The following NRCAM variants were observed in gnomAD, a reference collection of about 807,000 sequenced individuals.
The protein encoded by NRCAM is NgCAM-related cell adhesion molecule.
In NRCAM, 83 loss-of-function variants were observed where a neutral mutation model predicts 156.5. The ratio of observed to expected loss-of-function variants is 0.53; its 90% CI spans 0.44 to 0.64. The LOEUF (loss-of-function observed/expected upper bound fraction) is 0.64. Ranked by LOEUF, NRCAM falls within the 30% of genes least tolerant of loss-of-function variation. The probability of loss-of-function intolerance (pLI) is 0.00; values close to 1 mark genes in which losing one functional copy is unlikely to be tolerated. For missense variants in NRCAM, 1,417 were observed against 1,597.3 expected, an observed-to-expected ratio of 0.89 and a Z score of 1.92; for synonymous variants, 538 against 563.9, an observed-to-expected ratio of 0.95 and a Z score of 0.65.
At position 108,275,395 on chromosome 7, in the gene NRCAM, A is replaced by G. The variant is rs145296086; in HGVS notation, c.-106-35225T>C. Reference sequence around the variant, plus strand: ...GACTTTTTTGATTGGTAGGCTATTAATTATTGCCTCAATTTCAGACCTGTT... The same window carrying G: ...GACTTTTTTGATTGGTAGGCTATTAGTTATTGCCTCAATTTCAGACCTGTT... On this transcript the variant is annotated intron_variant, in intron 3 of 32. Coordinates refer to ENST00000379028, the MANE Select transcript of NRCAM (RefSeq NM_001037132.4). Among the ~76,000 whole-genome samples, 177 of 152,208 alleles carry G rather than the reference A, an allele frequency of 1.2e-3. 1 individual carries two copies. Among genetic ancestry groups the G allele is most frequent in the African/African-American group, 4.1e-3 (170 of 41,524 alleles).
intron 8 of NRCAM, among the ~76,000 whole-genome samples, chr7:108,228,967 A>T (rs1184520287): frequency 2.6e-5 from 4 of 151,882 alleles, no homozygotes; most frequent in South Asian, 2.1e-4. Context: ...AAAGTAAAAT[A>T]AAAAAAAATT....
At chr7:108,310,564 C>A (rs1396640190) in intron 3 of NRCAM, among the ~76,000 whole-genome samples, 1 of 152,080 alleles carries the variant, frequency 6.6e-6, no homozygotes, top group Non-Finnish European at 1.5e-5. Flanking sequence ...TCACAGCATG[C>A]CAGTGAATGT....
intron 1 of NRCAM, among the ~76,000 whole-genome samples, chr7:108,412,522 T>C (rs777533213): frequency 2.0e-5 from 3 of 152,232 alleles, no homozygotes; most frequent in South Asian, 2.1e-4. Flanking sequence ...AATAAATATA[T>C]GCATTACCTC....
At position 108,175,477 on chromosome 7, in the gene NRCAM, T is replaced by C. The variant is rs145730681; in HGVS notation, c.3152-120A>G. ...TAAAGCATGCAAGAAGAATGAAGTG[T>C]ACCACATCAGGTATAGGGGACAAAG... On this transcript the variant is annotated intron_variant, in intron 27 of 32. Transcript: ENST00000379028. 2.5e-5 allele frequency: 22 copies of C among 871,804 alleles called. No individual in the cohort carries two copies. The Admixed American group carries it at 4.7e-4, about 18-fold the overall frequency. 54.0% of individuals were successfully genotyped at this position (871,804 alleles called of 1,614,324 possible). A position where few individuals can be genotyped will look rare whatever the true frequency, so the allele number is the denominator to read the frequency against.
chr7:108,184,501 A>G lies in NRCAM; in HGVS notation c.2149T>C (p.Tyr717His). The G allele has an allele frequency of 6.2e-7, 1 of 1,614,182 alleles. No homozygotes were observed. Among genetic ancestry groups the G allele is most frequent in the South Asian group, 1.1e-5 (1 of 91,078 alleles). Reference protein sequence around the residue: ...AQLKLSPYVNYSFRVMAVNSI... With the variant: ...AQLKLSPYVNHSFRVMAVNSI... ...TTCACTGCCATCACGCGGAAGGAGT[A>G]GTTCACGTAAGGAGACAGCTTCAGC... The change falls in exon 21 of 33, where the codon TAC (tyrosine) becomes CAC (histidine). Residue 717 changes from tyrosine to histidine, a missense_variant. Transcript: ENST00000379028.
chr7:108,230,493 A>G (rs1481526183), intron 8 of NRCAM, among the ~76,000 whole-genome samples: 1 of 152,134 alleles, frequency 6.6e-6, no homozygotes, highest in Non-Finnish European at 1.5e-5. Context: ...TCCAAGCTAA[A>G]GCCAAAGTCC....
chr7:108,389,088 C>A (rs1371642571), intron 2 of NRCAM, among the ~76,000 whole-genome samples: 1 of 152,110 alleles, frequency 6.6e-6, no homozygotes, highest in Admixed American at 6.6e-5. Flanking sequence ...TTTTCCAATT[C>A]TGTGAAGAAA....
At chr7:108,306,318 CCT>C (rs2098714171) in intron 3 of NRCAM, among the ~76,000 whole-genome samples, 1 of 151,956 alleles carries the variant, frequency 6.6e-6, no homozygotes, top group Non-Finnish European at 1.5e-5. Context: ...ATAAAAATTC[CCT>C]CTTATTCAAG....
chr7:108,180,910 GCTA>G (rs1174166926), intron 24 of NRCAM, among the ~76,000 whole-genome samples: 1 of 152,166 alleles, frequency 6.6e-6, no homozygotes, highest in Non-Finnish European at 1.5e-5. Flanking sequence ...GAACGTGTGG[GCTA>G]CTAAGTGACT....
intron 3 of NRCAM, among the ~76,000 whole-genome samples, chr7:108,246,821 C>A (rs770068472): frequency 1.4e-4 from 21 of 152,170 alleles, no homozygotes; most frequent in Admixed American, 3.3e-4. Context: ...TAGACTGTTG[C>A]ATTGGTGGCC....
chr7:108,270,347 C>T lies in NRCAM; in HGVS notation c.-106-30177G>A, dbSNP rs565886032. Among the ~76,000 whole-genome samples, 166 of 152,276 alleles carry T rather than the reference C, an allele frequency of 1.1e-3. 2 individuals are homozygous for T. The highest frequency in any genetic ancestry group is 3.4e-3 in the Middle Eastern group (1 of 292). The stretch of plus-strand genomic sequence containing the variant: ...CAGTGAGAGAAAAGACCAAGCACCC[C>T]CCTTCAAGGTTCCCTTCTTGTGGAG... On this transcript the variant is annotated intron_variant, in intron 3 of 32. Coordinates refer to ENST00000379028, the MANE Select transcript of NRCAM (RefSeq NM_001037132.4).
intron 2 of NRCAM, among the ~76,000 whole-genome samples, chr7:108,342,700 CTGAG>C (rs2099304261): frequency 6.6e-6 from 1 of 152,200 alleles, no homozygotes; most frequent in African/African-American, 2.4e-5. Flanking sequence ...CATGGCATAC[CTGAG>C]TAAGGAAACT....
intron 2 of NRCAM, among the ~76,000 whole-genome samples, chr7:108,339,021 T>C (rs2099243389): frequency 6.6e-6 from 1 of 152,246 alleles, no homozygotes; most frequent in African/African-American, 2.4e-5. Context: ...CAGTTCAGAA[T>C]TATTCTAAGT....
intron 11 of NRCAM, among the ~76,000 whole-genome samples, chr7:108,212,587 T>C (rs901493756): frequency 3.3e-5 from 5 of 152,036 alleles, no homozygotes; most frequent in African/African-American, 4.8e-5. Flanking sequence ...GACACACTTA[T>C]AGAAATGCAA....
chr7:108,174,544 C>T (rs1043665347), intron 28 of NRCAM, among the ~76,000 whole-genome samples: 1 of 152,232 alleles, frequency 6.6e-6, no homozygotes, highest in African/African-American at 2.4e-5. Context: ...AGCCAGGGGT[C>T]AAAGACTGGG....
rs2093568585 is a variant in NRCAM, at chr7:108,226,940, T to C, written c.551-562A>G. Reference sequence around the variant, plus strand: ...CAGCAAATGGCCAGCTGACAGTAACTGGGTGTGATGATGACACTATTTATT... The same window carrying C: ...CAGCAAATGGCCAGCTGACAGTAACCGGGTGTGATGATGACACTATTTATT... On this transcript the variant is annotated intron_variant, in intron 8 of 32. Coordinates refer to ENST00000379028, the MANE Select transcript of NRCAM (RefSeq NM_001037132.4). 1.3e-5 allele frequency among the ~76,000 whole-genome samples: 2 copies of C among 152,180 alleles called. 1 individual carries two copies. The highest frequency in any genetic ancestry group is 4.1e-4 in the South Asian group (2 of 4,826).
intron 1 of NRCAM, among the ~76,000 whole-genome samples, chr7:108,429,184 G>C (rs1014743593): frequency 6.6e-6 from 1 of 152,050 alleles, no homozygotes; most frequent in Non-Finnish European, 1.5e-5. Flanking sequence ...ATTTTAAACT[G>C]GGTGTTTCTT....
intron 1 of NRCAM, among the ~76,000 whole-genome samples, chr7:108,421,531 G>A (rs1345605186): frequency 6.6e-6 from 1 of 152,130 alleles, no homozygotes; most frequent in Non-Finnish European, 1.5e-5. Flanking sequence ...AGAAGGAAAA[G>A]TATTATTCAT....
intron 6 of NRCAM, among the ~76,000 whole-genome samples, chr7:108,233,520 T>C (rs908282720): frequency 1.3e-5 from 2 of 152,198 alleles, no homozygotes; most frequent in Non-Finnish European, 2.9e-5. Flanking sequence ...AATCCTGTTT[T>C]ATGGCAAGTT....
Sources: gnomAD v4.1 joint callset for allele counts (sites outside exome capture counted in the v4.1 genomes callset) on GRCh38, gnomAD v4.1.1 for gene constraint, MANE v1.5 for transcripts, NCBI Gene and HGNC (gene_info 2026-07-23, HGNC 2026-07-21) for gene names.